Variants in MAF observed in about 807,000 individuals in gnomAD.
MAF encodes the protein MAF bZIP transcription factor.
MAF carries 10 observed loss-of-function variants against 22.0 expected under a neutral mutation model. The ratio of observed to expected loss-of-function variants is 0.45; its 90% CI spans 0.28 to 0.77. The LOEUF is 0.77. MAF is among the 30% of genes least tolerant of loss of function. The probability of loss-of-function intolerance (pLI) is 0.12; values close to 1 mark genes in which losing one functional copy is unlikely to be tolerated. For synonymous variants in MAF, 337 were observed against 255.8 expected (o/e 1.32, Z -3.03); for missense variants, 544 against 548.4 (o/e 0.99, Z 0.08).
chr16:79,330,711 G>A, the MAF span, among the ~76,000 whole-genome samples: 1 of 152,212 alleles, frequency 6.6e-6, no homozygotes, highest in Non-Finnish European at 1.5e-5. Context: ...CACGCACAGT[G>A]CTTACAAATT....
At chr16:79,399,086 A>G in the MAF span, among the ~76,000 whole-genome samples, 2 of 152,166 alleles carry the variant, frequency 1.3e-5, no homozygotes, top group African/African-American at 2.4e-5. Flanking sequence ...ACCTGGTCAA[A>G]TCCCTGTGAC....
chr16:79,449,322 G>C, the MAF span, among the ~76,000 whole-genome samples: 1 of 152,204 alleles, frequency 6.6e-6, no homozygotes, highest in Admixed American at 6.5e-5. Context: ...GTGGCCCGAA[G>C]GTTGGGGAAC....
chr16:79,426,488 T>C, the MAF span, among the ~76,000 whole-genome samples: 1 of 152,232 alleles, frequency 6.6e-6, no homozygotes, highest in South Asian at 2.1e-4. Context: ...TATTCCCTCA[T>C]ACTGTTAGTT....
At chr16:79,291,320 G>A in the MAF span, among the ~76,000 whole-genome samples, 1 of 152,120 alleles carries the variant, frequency 6.6e-6, no homozygotes, top group African/African-American at 2.4e-5. Flanking sequence ...GGGAGGGACG[G>A]AGAAGCCAGG....
At chr16:79,284,969 A>G in the MAF span, among the ~76,000 whole-genome samples, 1 of 152,236 alleles carries the variant, frequency 6.6e-6, no homozygotes, top group Admixed American at 6.5e-5. Flanking sequence ...TTGCAGATTT[A>G]CATGGTAAAA....
the MAF span, among the ~76,000 whole-genome samples, chr16:79,492,280 T>C: frequency 1.3e-5 from 2 of 152,104 alleles, no homozygotes; most frequent in Admixed American, 1.3e-4. Context: ...AGCGACGCAT[T>C]CATTCCGGGT....
At chr16:79,305,743 G>A in the MAF span, among the ~76,000 whole-genome samples, 54 of 152,340 alleles carry the variant, frequency 3.5e-4, no homozygotes, top group Non-Finnish European at 5.1e-4. Flanking sequence ...TTTAAGCAGA[G>A]AGAGGAATTT....
chr16:79,212,865 C>T, the MAF span: 2 of 152,136 alleles, frequency 1.3e-5, no homozygotes, highest in South Asian at 4.1e-4. Flanking sequence ...GTCCGTGGGC[C>T]AAGTTGTCTC....
the MAF span, among the ~76,000 whole-genome samples, chr16:79,421,638 A>ATTTTTTTTTT: frequency 5.3e-3 from 771 of 144,726 alleles, 9 homozygotes; most frequent in African/African-American, 0.016. Flanking sequence ...AAGAAAAGTG[A>ATTTTTTTTTT]TTTTTTTTTT....
At chr16:79,551,420 G>T in the MAF span, among the ~76,000 whole-genome samples, 1 of 152,178 alleles carries the variant, frequency 6.6e-6, no homozygotes, top group African/African-American at 2.4e-5. Context: ...GTAATTTATG[G>T]AAGCAATACA....
the MAF span, among the ~76,000 whole-genome samples, chr16:79,492,691 G>C: frequency 6.9e-6 from 1 of 145,680 alleles, no homozygotes; most frequent in Non-Finnish European, 1.5e-5. Context: ...CGTTCAGCAA[G>C]AAAAAAAAAA....
At chr16:79,480,068 G>T in the MAF span, among the ~76,000 whole-genome samples, 2 of 152,174 alleles carry the variant, frequency 1.3e-5, no homozygotes, top group African/African-American at 2.4e-5. Flanking sequence ...GCTCCAGGGT[G>T]TAAGATTAAT....
At chr16:79,341,409 G>C in the MAF span, among the ~76,000 whole-genome samples, 1 of 152,184 alleles carries the variant, frequency 6.6e-6, no homozygotes, top group Non-Finnish European at 1.5e-5. Context: ...ACTGGAACCA[G>C]CTCCTGAGAG....
chr16:79,444,856 T>C, the MAF span, among the ~76,000 whole-genome samples: 1 of 152,118 alleles, frequency 6.6e-6, no homozygotes, highest in Admixed American at 6.5e-5. Flanking sequence ...ATGAATCACA[T>C]CTATTAATTG....
At chr16:79,393,168 A>G in the MAF span, among the ~76,000 whole-genome samples, 2 of 152,142 alleles carry the variant, frequency 1.3e-5, no homozygotes, top group Non-Finnish European at 2.9e-5. Flanking sequence ...TGATTCCGTT[A>G]TTTCTCATTA....
chr16:79,265,153 T>C, the MAF span, among the ~76,000 whole-genome samples: 2 of 152,138 alleles, frequency 1.3e-5, no homozygotes, highest in African/African-American at 4.8e-5. Flanking sequence ...TGGAAGTCAT[T>C]ATTATTATTA....
At chr16:79,226,556 CT>C in the MAF span, among the ~76,000 whole-genome samples, 5 of 151,916 alleles carry the variant, frequency 3.3e-5, no homozygotes, top group African/African-American at 1.2e-4. Context: ...TGTTTATAAC[CT>C]ATTAGATGAA....
At chr16:79,232,441 G>C in the MAF span, among the ~76,000 whole-genome samples, 1 of 152,016 alleles carries the variant, frequency 6.6e-6, no homozygotes, top group Non-Finnish European at 1.5e-5. Flanking sequence ...AGGTACGGTA[G>C]TTGACTCGAC....
the MAF span, among the ~76,000 whole-genome samples, chr16:79,238,259 G>A: frequency 6.6e-6 from 1 of 152,012 alleles, no homozygotes; most frequent in South Asian, 2.1e-4. Context: ...GCTTTTCCCA[G>A]GACCCAAGCT....
Sources: gnomAD v4.1 joint callset for allele counts (sites outside exome capture counted in the v4.1 genomes callset) on GRCh38, gnomAD v4.1.1 for gene constraint, MANE v1.5 for transcripts, NCBI Gene and HGNC (gene_info 2026-07-23, HGNC 2026-07-21) for gene names.